SNX9: variants seen among roughly 807,000 people sequenced by gnomAD.
SNX9 encodes the protein sorting nexin-9.
Under a neutral mutation model 89.4 loss-of-function variants are expected in SNX9, and 44 were observed. The ratio of observed to expected loss-of-function variants is 0.49; its 90% CI spans 0.39 to 0.63. SNX9 has a LOEUF of 0.63. Among genes scored for constraint, SNX9 ranks in the 30% least tolerant of loss-of-function variants. The pLI, the probability that SNX9 is intolerant of heterozygous loss-of-function variation, is 0.00. For missense variants in SNX9, 578 were observed against 736.1 expected (o/e 0.79, Z 2.49); for synonymous variants, 236 against 247.8 (o/e 0.95, Z 0.45).
intron 1 of SNX9, among the ~76,000 whole-genome samples, chr6:157,856,896 A>G (rs554821227): frequency 3.3e-5 from 5 of 152,124 alleles, no homozygotes; most frequent in African/African-American, 4.8e-5. Flanking sequence ...GTGATGCACT[A>G]TGCTTAGATG....
At position 157,921,601 on chromosome 6, in the gene SNX9, C is replaced by A; in HGVS notation, c.1020C>A (p.Arg340=). 6.2e-7 allele frequency: 1 copy of A among 1,613,628 alleles called. No individual in the cohort carries two copies. The highest frequency in any genetic ancestry group is 2.2e-5 in the East Asian group (1 of 44,868). Residue 340 remains arginine, a synonymous_variant, in exon 10 of 18, where the codon CGC becomes CGA. Coordinates refer to ENST00000392185, the MANE Select transcript of SNX9 (RefSeq NM_016224.5). ...AGGCCTGGATGACCAGGATGTGTCG[C>A]CATCCAGTAATCTCAGAAAGTGAAG... ...RLQAWMTRMC[R]HPVISESEVF... is the part of the protein sequence containing the mutation.
At chr6:157,881,946 A>G (rs2115148417) in intron 4 of SNX9, among the ~76,000 whole-genome samples, 1 of 152,354 alleles carries the variant, frequency 6.6e-6, no homozygotes, top group African/African-American at 2.4e-5. Flanking sequence ...AGCAAAGATT[A>G]TTGATGATGG....
In SNX9 at chr6:157,897,620, A is replaced by T. The variant is rs532845939; in HGVS notation, c.472+622A>T. 1.5e-4 allele frequency among the ~76,000 whole-genome samples: 23 copies of T among 151,970 alleles called. No individual in the cohort carries two copies. In the East Asian group the frequency reaches 4.1e-3, roughly 27 times the overall value. On this transcript the variant is annotated intron_variant, in intron 5 of 17. Coordinates refer to ENST00000392185, the MANE Select transcript of SNX9 (RefSeq NM_016224.5). ...CCTCCCAGGTTCAAGTGATTCTCTC[A>T]CCTCAGCCTCCTGAGTAGCTGGAAT...
chr6:157,865,343 A>G (rs1192404406), intron 1 of SNX9, among the ~76,000 whole-genome samples: 1 of 151,344 alleles, frequency 6.6e-6, no homozygotes, highest in Non-Finnish European at 1.5e-5. Flanking sequence ...GTCTCAGGAA[A>G]AAAAAAAAAA....
intron 4 of SNX9, among the ~76,000 whole-genome samples, chr6:157,892,490 A>T (rs935302923): frequency 1.2e-4 from 19 of 152,144 alleles, no homozygotes; most frequent in Non-Finnish European, 2.4e-4. Flanking sequence ...AAAAAAACAA[A>T]ACCAAAGAGA....
chr6:157,918,320 T>A (rs1226845936), intron 9 of SNX9, among the ~76,000 whole-genome samples: 2 of 152,190 alleles, frequency 1.3e-5, no homozygotes, highest in African/African-American at 4.8e-5. Context: ...TTTTAATATC[T>A]TCCTGATGTA....
intron 1 of SNX9, among the ~76,000 whole-genome samples, chr6:157,856,814 CT>C (rs958623667): frequency 1.1e-3 from 161 of 150,784 alleles, no homozygotes; most frequent in African/African-American, 3.8e-3. Context: ...GATTCACATT[CT>C]TTTTTTTTCA....
intron 11 of SNX9, among the ~76,000 whole-genome samples, chr6:157,928,047 A>G (rs1783732819): frequency 6.6e-6 from 1 of 152,178 alleles, no homozygotes; most frequent in Non-Finnish European, 1.5e-5. Flanking sequence ...TATAGGAAAG[A>G]TTGTTTAAAC....
At chr6:157,835,961 C>T (rs974489153) in intron 1 of SNX9, among the ~76,000 whole-genome samples, 4 of 152,216 alleles carry the variant, frequency 2.6e-5, no homozygotes, top group Middle Eastern at 3.2e-3. Context: ...AAGGGTCTCA[C>T]TCTGTTGCTC....
At chr6:157,895,397 T>C (rs1782957871) in intron 4 of SNX9, among the ~76,000 whole-genome samples, 2 of 152,228 alleles carry the variant, frequency 1.3e-5, no homozygotes, top group Admixed American at 1.3e-4. Flanking sequence ...AGTTGCTCTA[T>C]TCCCTTAACC....
At chr6:157,826,270 G>A (rs531853163) in intron 1 of SNX9, among the ~76,000 whole-genome samples, 7 of 152,118 alleles carry the variant, frequency 4.6e-5, no homozygotes, top group African/African-American at 1.7e-4. Flanking sequence ...AGGCCGAGGC[G>A]GGCGGATCAC....
At chr6:157,894,106 C>CTTTTTTTTTTTTTTTTTTT (rs746909411) in intron 4 of SNX9, among the ~76,000 whole-genome samples, 10 of 89,564 alleles carry the variant, frequency 1.1e-4, no homozygotes, top group African/African-American at 1.4e-4. Flanking sequence ...CTTTTCTTTT[C>CTTTTTTTTTTTTTTTTTTT]TTTTTTTTTT....
chr6:157,890,709 C>A (rs1182154659), intron 4 of SNX9, among the ~76,000 whole-genome samples: 2 of 152,220 alleles, frequency 1.3e-5, no homozygotes, highest in African/African-American at 2.4e-5. Flanking sequence ...TGGCAGGTTA[C>A]CCTGATGGAC....
At chr6:157,860,288 TC>T (rs1782095215) in intron 1 of SNX9, among the ~76,000 whole-genome samples, 1 of 152,184 alleles carries the variant, frequency 6.6e-6, no homozygotes, top group Admixed American at 6.5e-5. Flanking sequence ...GTGCCTGTAG[TC>T]CTGTCTATCA....
At chr6:157,865,211 C>T (rs530253839) in intron 1 of SNX9, among the ~76,000 whole-genome samples, 32 of 147,496 alleles carry the variant, frequency 2.2e-4, no homozygotes, top group African/African-American at 8.0e-4. Context: ...TGGTGGTAGG[C>T]GCCTGTAGTC....
rs1002275738 is a variant in SNX9 at position 157,834,175 on chromosome 6, T to G, written c.12+10729T>G. On this transcript the variant is annotated intron_variant, in intron 1 of 17. Transcript: ENST00000392185. ...GTTTTTTTTTTTTTTTTTTTTTTTT[T>G]TTTTTTTTTTGAGTCAGGGTCTCTC... Among the ~76,000 whole-genome samples, 26 of 120,820 alleles carry G rather than the reference T, an allele frequency of 2.2e-4. No individual in the cohort carries two copies. In the South Asian group the frequency reaches 4.9e-3, roughly 23 times the overall value. The allele number at this position is 120,820 out of a possible 152,430, so 79.3% of individuals were successfully genotyped here.
intron 1 of SNX9, among the ~76,000 whole-genome samples, chr6:157,832,028 ATTTC>A (rs1447884751): frequency 1.3e-5 from 2 of 152,186 alleles, no homozygotes; most frequent in Non-Finnish European, 2.9e-5. Context: ...TCCAATTGAT[ATTTC>A]TTTGTCATTT....
At position 157,875,093 on chromosome 6, in the gene SNX9, T is replaced by A; in HGVS notation, c.217T>A (p.Ser73Thr). 6.2e-7 allele frequency: 1 copy of A among 1,614,040 alleles called. No homozygotes were observed. The highest frequency in any genetic ancestry group is 1.3e-5 in the African/African-American group (1 of 75,040). Reference sequence around the variant, plus strand: ...AAAAGATCAATTTTCTTGTGGAAATTCAGTGGCTGACCAAGCCTTCCTTGA... The same window carrying A: ...AAAAGATCAATTTTCTTGTGGAAATACAGTGGCTGACCAAGCCTTCCTTGA... ...DGKDQFSCGNSVADQAFLDSL... is the reference protein window; with the variant it reads ...DGKDQFSCGNTVADQAFLDSL... The change falls in exon 4 of 18, where the codon TCA (serine) becomes ACA (threonine). Residue 73 changes from serine (S) to threonine (T), a missense_variant. Coordinates refer to ENST00000392185, the MANE Select transcript of SNX9 (RefSeq NM_016224.5).
At chr6:157,835,431 T>A (rs959935427) in intron 1 of SNX9, among the ~76,000 whole-genome samples, 5 of 145,766 alleles carry the variant, frequency 3.4e-5, no homozygotes, top group African/African-American at 5.3e-5. Context: ...TTTTTTTTTT[T>A]AAATAGAGTC....
Sources: gnomAD v4.1 joint callset for allele counts (sites outside exome capture counted in the v4.1 genomes callset) on GRCh38, gnomAD v4.1.1 for gene constraint, MANE v1.5 for transcripts, NCBI Gene and HGNC (gene_info 2026-07-23, HGNC 2026-07-21) for gene names.